CASK: variants seen among roughly 807,000 people sequenced by gnomAD.
CASK encodes peripheral plasma membrane protein CASK.
A neutral mutation model predicts 82.9 loss-of-function variants in CASK; 4 were observed. The observed-to-expected ratio is 0.05, with a 90% CI of 0.02 to 0.11. The LOEUF is 0.11. CASK is among the 10% of genes least tolerant of loss of function. CASK has a pLI of 1.00. For missense variants in CASK, 358 were observed against 720.9 expected (o/e 0.50, Z 5.76); for synonymous variants, 259 against 253.5 (o/e 1.02, Z -0.20).
intron 2 of CASK, among the ~76,000 whole-genome samples, chrX:41,811,573 G>A (rs901174575): frequency 4.5e-5 from 5 of 112,078 alleles, no homozygotes; most frequent in African/African-American, 1.6e-4. Flanking sequence ...AGAATCTCTG[G>A]GACACATTTA....
At chrX:41,922,091 C>T (rs2072793144) in intron 1 of CASK, among the ~76,000 whole-genome samples, 1 of 111,503 alleles carries the variant, frequency 9.0e-6, no homozygotes, top group Non-Finnish European at 1.9e-5. Context: ...GAAAAGGAAA[C>T]TATTCAAAAT....
At chrX:41,784,874 C>T (rs1414118698) in intron 3 of CASK, among the ~76,000 whole-genome samples, 2 of 107,512 alleles carry the variant, frequency 1.9e-5, no homozygotes, top group Non-Finnish European at 3.8e-5. Flanking sequence ...AGACTCTGTT[C>T]AAAAAAACAA....
intron 25 of CASK, among the ~76,000 whole-genome samples, chrX:41,524,971 C>A (rs1186269948): frequency 9.0e-6 from 1 of 111,675 alleles, no homozygotes; most frequent in Non-Finnish European, 1.9e-5. Flanking sequence ...TTTAACTATC[C>A]TGCTCCCCAC....
intron 2 of CASK, among the ~76,000 whole-genome samples, chrX:41,850,963 A>AT (rs776834857): frequency 8.9e-6 from 1 of 112,100 alleles, no homozygotes; most frequent in South Asian, 3.7e-4. Flanking sequence ...CAAGAAAAAA[A>AT]GGTAGAGGTG....
intron 2 of CASK, among the ~76,000 whole-genome samples, chrX:41,805,198 T>C (rs1306537982): frequency 8.9e-6 from 1 of 112,297 alleles, no homozygotes; most frequent in Non-Finnish European, 1.9e-5. Context: ...GGCATGGCTC[T>C]CATTAATGTC....
At chrX:41,652,436 A>G (rs1286384341) in intron 8 of CASK, among the ~76,000 whole-genome samples, 1 of 112,227 alleles carries the variant, frequency 8.9e-6, no homozygotes. Context: ...TTCCTGGAAT[A>G]CAATTCCTAA....
At chrX:41,689,678 C>T (rs1423180872) in intron 5 of CASK, 1 of 111,257 alleles carries the variant, frequency 9.0e-6, no homozygotes, top group Non-Finnish European at 1.9e-5. Context: ...TGTAACAAAA[C>T]CTAACACACT....
At chrX:41,678,028 G>A (rs913671804) in intron 5 of CASK, among the ~76,000 whole-genome samples, 1 of 112,034 alleles carries the variant, frequency 8.9e-6, no homozygotes, top group African/African-American at 3.2e-5. Context: ...TTCTAACACA[G>A]GACTTAAAAA....
chrX:41,745,049 C>T (rs1194621963), intron 4 of CASK, among the ~76,000 whole-genome samples: 3 of 111,975 alleles, frequency 2.7e-5, no homozygotes, highest in Non-Finnish European at 5.6e-5. Context: ...CTGAGTTTCG[C>T]TCTTGTTGCC....
intron 5 of CASK, chrX:41,727,007 T>A: frequency 9.7e-7 from 1 of 1,028,771 alleles, no homozygotes; most frequent in Non-Finnish European, 1.3e-6. Flanking sequence ...TGTGACAAAA[T>A]TCAAGAAAAC....
At chrX:41,534,836 G>A in intron 23 of CASK, 50 bp from the exon 24 acceptor site, 1 of 1,155,978 alleles carries the variant, frequency 8.7e-7, no homozygotes, top group Non-Finnish European at 1.2e-6. Flanking sequence ...TCTTAATAAT[G>A]TTCACAAAAT....
At chrX:41,878,995 G>T (rs2071890539) in intron 1 of CASK, among the ~76,000 whole-genome samples, 1 of 111,257 alleles carries the variant, frequency 9.0e-6, no homozygotes, top group Non-Finnish European at 1.9e-5. Context: ...CTAATAAAAT[G>T]ATCTTACCTT....
At chrX:41,763,561 C>T (rs1415923380) in intron 3 of CASK, among the ~76,000 whole-genome samples, 2 of 111,051 alleles carry the variant, frequency 1.8e-5, no homozygotes, top group African/African-American at 6.5e-5. Context: ...TACTTGGAGG[C>T]TGAGGTGTGA....
rs757204318 is a variant in CASK, at chrX:41,598,134, G to GACACAC, written c.1156-8548_1156-8543dup. Among the ~76,000 whole-genome samples the GACACAC allele has an allele frequency of 4.8e-4, 48 of 99,920 alleles. 1 individual carries two copies. Among genetic ancestry groups the GACACAC allele is most frequent in the African/African-American group, 1.2e-3 (31 of 26,923 alleles). The allele number at this position is 99,920 out of a possible 115,157, so 86.8% of individuals were successfully genotyped here. The stretch of plus-strand genomic sequence containing the variant: ...AGCCGGAGTGACAGACTGAGGCCCT[G>GACACAC]ACACACACACACACACACACACACA... On this transcript the variant is annotated intron_variant, in intron 12 of 26. Coordinates refer to ENST00000378163, the MANE Select transcript of CASK (RefSeq NM_001367721.1).
intron 12 of CASK, 91 bp downstream of exon 12, chrX:41,609,813 T>C (rs759135005): frequency 2.0e-6 from 2 of 1,001,480 alleles, no homozygotes; most frequent in South Asian, 3.9e-5. Flanking sequence ...CGCCTCTGCC[T>C]CCCAAAGTGC....
intron 8 of CASK, among the ~76,000 whole-genome samples, chrX:41,643,554 T>C (rs1227556717): frequency 3.4e-4 from 38 of 111,796 alleles, no homozygotes; most frequent in Non-Finnish European, 7.5e-5. Context: ...GGGAGTTCAC[T>C]CATGATTTGG....
intron 1 of CASK, among the ~76,000 whole-genome samples, chrX:41,888,218 G>T (rs2072082750): frequency 9.0e-6 from 1 of 111,542 alleles, no homozygotes; most frequent in Non-Finnish European, 1.9e-5. Flanking sequence ...GGAGAAAAGA[G>T]GCCTTGGAAT....
intron 25 of CASK, among the ~76,000 whole-genome samples, chrX:41,529,120 C>G (rs2064758864): frequency 8.9e-6 from 1 of 111,911 alleles, no homozygotes; most frequent in African/African-American, 3.2e-5. Context: ...CTAGGTGGAT[C>G]TGAGAGATCA....
intron 5 of CASK, among the ~76,000 whole-genome samples, chrX:41,685,453 C>T (rs1569395463): frequency 9.0e-6 from 1 of 111,533 alleles, no homozygotes; most frequent in African/African-American, 3.3e-5. Flanking sequence ...ATAGTAGTAC[C>T]TAGAGCTTTT....
Sources: gnomAD v4.1 joint callset for allele counts (sites outside exome capture counted in the v4.1 genomes callset) on GRCh38, gnomAD v4.1.1 for gene constraint, MANE v1.5 for transcripts, NCBI Gene and HGNC (gene_info 2026-07-23, HGNC 2026-07-21) for gene names.